Variants in OXCT1 observed in about 807,000 individuals in gnomAD.
OXCT1 encodes succinyl-CoA:3-ketoacid coenzyme A transferase 1, mitochondrial.
In OXCT1, 27 loss-of-function variants were observed where a neutral mutation model predicts 69.6. That is an observed-to-expected ratio of 0.39 (90% CI 0.29 to 0.54). OXCT1 has a LOEUF of 0.54. OXCT1 is among the 20% of genes least tolerant of loss of function. The probability of loss-of-function intolerance (pLI) is 0.72; values close to 1 mark genes in which losing one functional copy is unlikely to be tolerated. For missense variants in OXCT1, 437 were observed against 650.2 expected, an observed-to-expected ratio of 0.67 and a Z score of 3.57; for synonymous variants, 202 against 217.8, an observed-to-expected ratio of 0.93 and a Z score of 0.64.
At chr5:41,797,999 G>A (rs1746257137) in intron 11 of OXCT1, among the ~76,000 whole-genome samples, 1 of 152,116 alleles carries the variant, frequency 6.6e-6, no homozygotes, top group African/African-American at 2.4e-5. Context: ...TTAGGGGAAG[G>A]GCATTTCTGA....
chr5:41,826,557 G>A (rs532471981), intron 7 of OXCT1, among the ~76,000 whole-genome samples: 1 of 152,182 alleles, frequency 6.6e-6, no homozygotes, highest in South Asian at 2.1e-4. Context: ...GAGGCTGTAA[G>A]GAAGACGAGA....
chr5:41,829,539 C>G (rs1221702858), intron 7 of OXCT1, among the ~76,000 whole-genome samples: 1 of 152,096 alleles, frequency 6.6e-6, no homozygotes, highest in African/African-American at 2.4e-5. Flanking sequence ...GATAATGGAA[C>G]TCTCTCGCAT....
At chr5:41,739,006 GAA>G (rs1196947098) in intron 16 of OXCT1, among the ~76,000 whole-genome samples, 1 of 152,186 alleles carries the variant, frequency 6.6e-6, no homozygotes, top group Non-Finnish European at 1.5e-5. Flanking sequence ...TAAAAATAAG[GAA>G]GTATCATTTC....
chr5:41,767,722 G>A (rs1051403452), intron 13 of OXCT1, among the ~76,000 whole-genome samples: 2,279 of 89,620 alleles, frequency 0.025, 130 homozygotes, highest in African/African-American at 0.11. Flanking sequence ...ATATGTGTGT[G>A]TATATATATA....
At chr5:41,822,957 A>G (rs1747630736) in intron 7 of OXCT1, among the ~76,000 whole-genome samples, 1 of 152,158 alleles carries the variant, frequency 6.6e-6, no homozygotes, top group African/African-American at 2.4e-5. Flanking sequence ...AATATCTACC[A>G]TATTTGCTAC....
At chr5:41,848,446 A>G (rs1273638314) in intron 5 of OXCT1, among the ~76,000 whole-genome samples, 2 of 148,048 alleles carry the variant, frequency 1.4e-5, no homozygotes, top group Admixed American at 6.8e-5. Context: ...TAAAGTTCAT[A>G]TGGAACCAAA....
intron 8 of OXCT1, among the ~76,000 whole-genome samples, chr5:41,806,593 G>A (rs1746691377): frequency 6.6e-6 from 1 of 152,042 alleles, no homozygotes; most frequent in Non-Finnish European, 1.5e-5. Context: ...ACACGAGCTG[G>A]TTGTCTAAAG....
At chr5:41,849,988 A>G in intron 5 of OXCT1, 42 bp downstream of exon 5, 1 of 1,606,328 alleles carries the variant, frequency 6.2e-7, no homozygotes, top group Non-Finnish European at 8.5e-7. Flanking sequence ...TCCCACGTGG[A>G]AAGAGGGATC....
chr5:41,796,428 T>C (rs1746183801), intron 11 of OXCT1, among the ~76,000 whole-genome samples: 1 of 152,086 alleles, frequency 6.6e-6, no homozygotes, highest in Non-Finnish European at 1.5e-5. Flanking sequence ...TATTCCAAAA[T>C]TGGAATAGGA....
At chr5:41,792,068 G>T (rs1745949183) in intron 13 of OXCT1, among the ~76,000 whole-genome samples, 1 of 152,192 alleles carries the variant, frequency 6.6e-6, no homozygotes, top group African/African-American at 2.4e-5. Context: ...CTCCCAAAGT[G>T]CTGGGATTAC....
At chr5:41,746,221 T>C (rs1329412269) in intron 15 of OXCT1, among the ~76,000 whole-genome samples, 1 of 152,134 alleles carries the variant, frequency 6.6e-6, no homozygotes, top group Non-Finnish European at 1.5e-5. Context: ...GTGGGCTTCA[T>C]CCCTGGGATG....
intron 13 of OXCT1, among the ~76,000 whole-genome samples, chr5:41,780,556 A>G (rs1745343313): frequency 6.6e-6 from 1 of 152,190 alleles, no homozygotes; most frequent in African/African-American, 2.4e-5. Flanking sequence ...AATTCAAAAT[A>G]TTTTCAGATA....
At chr5:41,842,803 T>TG in intron 5 of OXCT1, 22 bp from the exon 6 acceptor site, 1 of 1,468,368 alleles carries the variant, frequency 6.8e-7, no homozygotes, top group South Asian at 1.1e-5. Context: ...GGAGAAGGCA[T>TG]CATCAGGTAT....
intron 1 of OXCT1, chr5:41,869,978 G>A (rs890129904): frequency 4.5e-6 from 2 of 439,822 alleles, no homozygotes; most frequent in African/African-American, 4.0e-5. Flanking sequence ...AAGCCGACGA[G>A]CGCCAAAGGG....
In OXCT1 at chr5:41,805,595, G is replaced by A. The variant is rs150171889; in HGVS notation, c.927C>T (p.Ala309=). ...DDVRERIIKR[A]ALEFEDGMYA... ...ACATGCCATCCTCAAACTCAAGAGC[G>A]GCCCTCTTGATGATTCGTTCCCTTA... is the stretch of plus-strand genomic sequence containing the variant. The change falls in exon 9 of 17, where the codon GCC becomes GCT. Residue 309 remains alanine, a synonymous_variant. Transcript: ENST00000196371. 41 of 1,612,494 alleles carry A rather than the reference G, an allele frequency of 2.5e-5. No homozygotes were observed. Among genetic ancestry groups the A allele is most frequent in the African/African-American group, 2.3e-4 (17 of 74,822 alleles).
At chr5:41,781,199 G>A (rs1046577984) in intron 13 of OXCT1, among the ~76,000 whole-genome samples, 1 of 151,902 alleles carries the variant, frequency 6.6e-6, no homozygotes, top group South Asian at 2.1e-4. Flanking sequence ...CACCAAGGCC[G>A]GCTTACTGTC....
intron 8 of OXCT1, 76 bp from the exon 9 acceptor site, chr5:41,805,757 C>T: frequency 1.0e-6 from 1 of 980,312 alleles, no homozygotes; most frequent in Non-Finnish European, 1.6e-6. Flanking sequence ...ATAAATTTTA[C>T]TGGAAAAAAA....
At chr5:41,757,170 A>C (rs1004504270) in intron 14 of OXCT1, among the ~76,000 whole-genome samples, 1 of 152,082 alleles carries the variant, frequency 6.6e-6, no homozygotes, top group Non-Finnish European at 1.5e-5. Context: ...GTGTGTGTTT[A>C]AGTGTGAGTA....
intron 7 of OXCT1, among the ~76,000 whole-genome samples, chr5:41,826,440 C>T (rs572999962): frequency 5.3e-5 from 8 of 152,092 alleles, no homozygotes; most frequent in South Asian, 2.1e-4. Context: ...ATCAAAGCAG[C>T]GGGAGGGATT....
Sources: allele counts gnomAD v4.1 joint callset (sites outside exome capture counted in the v4.1 genomes callset), GRCh38; gene constraint gnomAD v4.1.1; transcripts MANE v1.5; gene names NCBI Gene and HGNC (gene_info 2026-07-23, HGNC 2026-07-21).